Variants in CNTN5 observed in about 807,000 individuals in gnomAD.
CNTN5 encodes the protein contactin 5, also known as contactin-5.
A neutral mutation model predicts 129.1 loss-of-function variants in CNTN5; 77 were observed. The ratio of observed to expected loss-of-function variants is 0.60; its 90% CI spans 0.50 to 0.72. The LOEUF is 0.72. Ranked by LOEUF, CNTN5 falls within the 30% of genes least tolerant of loss-of-function variation. The probability of loss-of-function intolerance (pLI) is 0.00; values close to 1 mark genes in which losing one functional copy is unlikely to be tolerated. For missense variants in CNTN5, 1,478 were observed against 1,328.8 expected (o/e 1.11, Z -1.75); for synonymous variants, 509 against 465.6 (o/e 1.09, Z -1.20).
chr11:99,838,980 T>C (rs1374483336), intron 4 of CNTN5, among the ~76,000 whole-genome samples: 8 of 152,152 alleles, frequency 5.3e-5, no homozygotes, highest in African/African-American at 1.9e-4. Context: ...TGTGGACATA[T>C]CTTTTAAACT....
chr11:99,894,758 T>C (rs1289997485), intron 6 of CNTN5, among the ~76,000 whole-genome samples: 2 of 152,196 alleles, frequency 1.3e-5, no homozygotes, highest in African/African-American at 4.8e-5. Context: ...CTAGCTATGA[T>C]AATTTTGAAA....
intron 1 of CNTN5, among the ~76,000 whole-genome samples, chr11:99,072,859 C>T (rs1272306078): frequency 6.6e-6 from 1 of 152,064 alleles, no homozygotes; most frequent in Non-Finnish European, 1.5e-5. Context: ...TCAAATGATT[C>T]CTTTGCACTT....
intron 1 of CNTN5, among the ~76,000 whole-genome samples, chr11:99,115,039 G>A (rs1169795871): frequency 1.3e-5 from 2 of 152,156 alleles, no homozygotes; most frequent in African/African-American, 4.8e-5. Flanking sequence ...CACTGGAAAA[G>A]GGGTCTTTTT....
At chr11:99,892,850 T>G (rs983667150) in intron 6 of CNTN5, among the ~76,000 whole-genome samples, 1 of 152,242 alleles carries the variant, frequency 6.6e-6, no homozygotes, top group African/African-American at 2.4e-5. Flanking sequence ...AGTAGTTTTT[T>G]CTAATTCTGT....
chr11:99,489,654 T>G (rs1366645148), intron 2 of CNTN5, among the ~76,000 whole-genome samples: 1 of 152,216 alleles, frequency 6.6e-6, no homozygotes, highest in Non-Finnish European at 1.5e-5. Flanking sequence ...AACAGGGATA[T>G]GACTAAGGTA....
At chr11:100,269,699 AATG>A (rs1950372839) in intron 17 of CNTN5, among the ~76,000 whole-genome samples, 1 of 152,110 alleles carries the variant, frequency 6.6e-6, no homozygotes, top group Non-Finnish European at 1.5e-5. Context: ...GAACTTCAAG[AATG>A]AGGGAGAGAT....
At chr11:99,583,879 A>G (rs1949703302) in intron 3 of CNTN5, among the ~76,000 whole-genome samples, 1 of 152,046 alleles carries the variant, frequency 6.6e-6, no homozygotes, top group Non-Finnish European at 1.5e-5. Flanking sequence ...TCGGTACCTC[A>G]GTTGGAAATG....
At chr11:100,150,568 T>C (rs189874291) in intron 13 of CNTN5, among the ~76,000 whole-genome samples, 2 of 152,178 alleles carry the variant, frequency 1.3e-5, no homozygotes, top group Admixed American at 1.3e-4. Context: ...TTAGTTATTT[T>C]TTGTGCCTTT....
intron 18 of CNTN5, among the ~76,000 whole-genome samples, chr11:100,287,379 G>C (rs1207093253): frequency 7.3e-5 from 11 of 150,802 alleles, no homozygotes; most frequent in Non-Finnish European, 8.9e-5. Context: ...TACCCTCAAA[G>C]GGAAGCCCAT....
intron 8 of CNTN5, among the ~76,000 whole-genome samples, chr11:99,959,989 A>C (rs1950899543): frequency 1.3e-5 from 2 of 151,994 alleles, no homozygotes; most frequent in South Asian, 2.1e-4. Flanking sequence ...CAAAACAAAA[A>C]CCCACAAAAT....
intron 2 of CNTN5, among the ~76,000 whole-genome samples, chr11:99,357,471 C>T (rs1014844733): frequency 6.6e-6 from 1 of 151,982 alleles, no homozygotes; most frequent in African/African-American, 2.4e-5. Context: ...TGAAAACACA[C>T]ACACGCTCCT....
intron 3 of CNTN5, among the ~76,000 whole-genome samples, chr11:99,642,007 T>G (rs1280978493): frequency 6.6e-6 from 1 of 152,102 alleles, no homozygotes; most frequent in African/African-American, 2.4e-5. Context: ...ATATGATAAT[T>G]GGGCCAAAGA....
chr11:99,971,067 C>G (rs557038207), intron 8 of CNTN5, among the ~76,000 whole-genome samples: 22 of 152,296 alleles, frequency 1.4e-4, no homozygotes, highest in South Asian at 2.1e-4. Flanking sequence ...AGATTTTATT[C>G]TAAAAGCTTT....
intron 1 of CNTN5, among the ~76,000 whole-genome samples, chr11:99,253,568 T>A (rs1386577159): frequency 2.0e-5 from 3 of 152,054 alleles, no homozygotes; most frequent in East Asian, 1.9e-4. Flanking sequence ...AAGATTTTTT[T>A]ATTTAATTTT....
chr11:99,899,873 G>C (rs1420274914), intron 6 of CNTN5, among the ~76,000 whole-genome samples: 3 of 151,786 alleles, frequency 2.0e-5, no homozygotes, highest in Non-Finnish European at 4.4e-5. Flanking sequence ...CTTTCTTTTT[G>C]TTAGGAGATT....
intron 15 of CNTN5, among the ~76,000 whole-genome samples, chr11:100,210,603 A>C (rs1243595553): frequency 6.6e-6 from 1 of 152,176 alleles, no homozygotes; most frequent in Non-Finnish European, 1.5e-5. Context: ...AGACTTGACA[A>C]AGTTTATAAT....
chr11:99,675,058 C>G (rs957769618), intron 3 of CNTN5, among the ~76,000 whole-genome samples: 1 of 150,644 alleles, frequency 6.6e-6, no homozygotes, highest in East Asian at 1.9e-4. Context: ...CAGGCTGACA[C>G]TAGGGATGCC....
chr11:99,342,877 G>C (rs1307901035), intron 2 of CNTN5, among the ~76,000 whole-genome samples: 1 of 152,034 alleles, frequency 6.6e-6, no homozygotes, highest in African/African-American at 2.4e-5. Context: ...TTCTAGCTGA[G>C]ATATTAGTAA....
At chr11:99,623,418 G>A (rs1951019814) in intron 3 of CNTN5, among the ~76,000 whole-genome samples, 1 of 152,020 alleles carries the variant, frequency 6.6e-6, no homozygotes, top group Admixed American at 6.6e-5. Context: ...ATCCCCAGTA[G>A]GATGGCACTG....
Sources: gnomAD v4.1 joint callset for allele counts (sites outside exome capture counted in the v4.1 genomes callset) on GRCh38, gnomAD v4.1.1 for gene constraint, MANE v1.5 for transcripts, NCBI Gene and HGNC (gene_info 2026-07-23, HGNC 2026-07-21) for gene names.